Variants in GLIS3 observed in about 807,000 individuals in gnomAD.
The protein encoded by GLIS3 is zinc finger protein GLIS3.
Under a neutral mutation model 78.6 loss-of-function variants are expected in GLIS3, and 53 were observed. That is an observed-to-expected ratio of 0.67 (90% confidence interval 0.54 to 0.85). The LOEUF (loss-of-function observed/expected upper bound fraction) is 0.85, where lower values mean the gene tolerates loss of function less well. Ranked by LOEUF, GLIS3 falls within the 40% of genes least tolerant of loss-of-function variation. The pLI, the probability that GLIS3 is intolerant of heterozygous loss-of-function variation, is 0.00. For synonymous variants in GLIS3, 684 were observed against 509.9 expected, an observed-to-expected ratio of 1.34 and a Z score of -4.60; for missense variants, 1,703 against 1,231.1, an observed-to-expected ratio of 1.38 and a Z score of -5.74.
At chr9:4,213,626 A>G (rs1820560263) in intron 2 of GLIS3, among the ~76,000 whole-genome samples, 1 of 152,248 alleles carries the variant, frequency 6.6e-6, no homozygotes, top group African/African-American at 2.4e-5. Context: ...CATATTGAAC[A>G]GCACACTAGA....
chr9:4,367,126 G>C, the GLIS3 span, among the ~76,000 whole-genome samples: 1 of 152,242 alleles, frequency 6.6e-6, no homozygotes, highest in Middle Eastern at 3.4e-3. Flanking sequence ...CAAACTCAAA[G>C]CTCTCCAATG....
At chr9:4,354,494 G>C in the GLIS3 span, among the ~76,000 whole-genome samples, 1 of 152,060 alleles carries the variant, frequency 6.6e-6, no homozygotes, top group Non-Finnish European at 1.5e-5. Flanking sequence ...ACTTTCTATA[G>C]ACTATATTCC....
At chr9:4,027,614 A>T (rs1458857709) in intron 4 of GLIS3, among the ~76,000 whole-genome samples, 1 of 152,222 alleles carries the variant, frequency 6.6e-6, no homozygotes, top group Non-Finnish European at 1.5e-5. Context: ...TCTAGCTGCA[A>T]GAGTGTGAAT....
chr9:4,057,898 T>C (rs180959000), intron 4 of GLIS3, among the ~76,000 whole-genome samples: 2 of 152,254 alleles, frequency 1.3e-5, no homozygotes, highest in East Asian at 1.9e-4. Flanking sequence ...CCTTGATCTT[T>C]TTCACATGTA....
chr9:4,353,993 A>ATTT, the GLIS3 span, among the ~76,000 whole-genome samples: 103 of 135,748 alleles, frequency 7.6e-4, 1 homozygote, highest in Middle Eastern at 3.9e-3. Context: ...ACACCCGGCT[A>ATTT]TTTTTTTTTT....
intron 1 of GLIS3, among the ~76,000 whole-genome samples, chr9:4,293,628 G>C (rs375388728): frequency 1.3e-5 from 2 of 152,112 alleles, no homozygotes; most frequent in African/African-American, 2.4e-5. Flanking sequence ...ACAAAACTTC[G>C]TAACTAGCCC....
rs76108492 is a variant in GLIS3, at chr9:3,974,401, A to C, written c.1711-37212T>G. On this transcript the variant is annotated intron_variant, in intron 4 of 10. Coordinates refer to ENST00000381971, the MANE Select transcript of GLIS3 (RefSeq NM_001042413.2). ...TGATCAACAGAAGCTGCTGGATTAC[A>C]CCTTGTCCACAGATATAAAAAGGTA... 9.8e-5 allele frequency among the ~76,000 whole-genome samples: 15 copies of C among 152,290 alleles called. 1 individual carries two copies. The East Asian group carries it at 2.9e-3, about 29-fold the overall frequency.
chr9:3,868,634 G>A (rs560295510), intron 8 of GLIS3, among the ~76,000 whole-genome samples: 1 of 152,220 alleles, frequency 6.6e-6, no homozygotes, highest in African/African-American at 2.4e-5. Flanking sequence ...CTTTGTGGGT[G>A]GATAACAGAC....
the GLIS3 span, among the ~76,000 whole-genome samples, chr9:4,421,460 C>T: frequency 5.9e-5 from 9 of 152,230 alleles, no homozygotes; most frequent in African/African-American, 2.2e-4. Context: ...TGCACTGATC[C>T]ATCATACCTG....
At chr9:4,235,935 C>T (rs957763113) in intron 2 of GLIS3, among the ~76,000 whole-genome samples, 15 of 152,136 alleles carry the variant, frequency 9.9e-5, no homozygotes, top group Admixed American at 5.2e-4. Flanking sequence ...ACAGAAACAA[C>T]GATCACCTCT....
At chr9:4,135,180 A>G (rs1372335429) in intron 2 of GLIS3, among the ~76,000 whole-genome samples, 1 of 152,222 alleles carries the variant, frequency 6.6e-6, no homozygotes, top group Non-Finnish European at 1.5e-5. Context: ...GTCTACTTAG[A>G]TAGCATTATC....
At chr9:4,168,689 G>C (rs1341308988) in intron 2 of GLIS3, among the ~76,000 whole-genome samples, 10 of 152,156 alleles carry the variant, frequency 6.6e-5, no homozygotes, top group African/African-American at 2.4e-4. Context: ...GGTTTTATGA[G>C]TGTTGTAACT....
intron 2 of GLIS3, among the ~76,000 whole-genome samples, chr9:4,213,009 T>A (rs1396690606): frequency 2.0e-5 from 3 of 152,148 alleles, no homozygotes; most frequent in Admixed American, 2.0e-4. Flanking sequence ...TGTTGGAGAT[T>A]GTGACCTGGG....
the GLIS3 span, among the ~76,000 whole-genome samples, chr9:4,421,119 C>T: frequency 6.6e-5 from 10 of 152,202 alleles, no homozygotes; most frequent in Non-Finnish European, 1.3e-4. Context: ...TCAGTGACTG[C>T]TGACTTGTAA....
intron 5 of GLIS3, 42 bp from the exon 6 acceptor site, chr9:3,932,512 T>G: frequency 7.0e-7 from 1 of 1,422,958 alleles, no homozygotes; most frequent in South Asian, 1.1e-5. Flanking sequence ...GGTTAAATCA[T>G]AAAGGTAATT....
At chr9:3,866,214 A>G (rs984182687) in intron 8 of GLIS3, among the ~76,000 whole-genome samples, 1 of 152,256 alleles carries the variant, frequency 6.6e-6, no homozygotes, top group African/African-American at 2.4e-5. Context: ...TCAACCTGAC[A>G]TAGTCTCTGT....
intron 4 of GLIS3, among the ~76,000 whole-genome samples, chr9:4,079,040 A>C (rs989916482): frequency 1.3e-5 from 2 of 152,222 alleles, no homozygotes; most frequent in African/African-American, 4.8e-5. Context: ...TTCCAAGGTA[A>C]AACAGCTTAA....
Position 4,118,911 on chromosome 9 carries a change from A to C in GLIS3, c.597-30T>G. The C allele has an allele frequency of 6.3e-7, 1 of 1,595,774 alleles. No homozygotes were observed. Among genetic ancestry groups the C allele is most frequent in the Non-Finnish European group, 8.5e-7 (1 of 1,177,762 alleles). The stretch of plus-strand genomic sequence containing the variant: ...AACAGCAGCCAGAAAGGAAGAAAAA[A>C]AAAAGATAAACATTTTAGCAGGATA... On this transcript the variant is annotated intron_variant, in intron 3 of 10. Transcript: ENST00000381971. The surrounding 1 kb of genome is among the most constrained non-coding windows in gnomAD (Gnocchi z 4.7).
chr9:3,850,406 C>T (rs1200028100), intron 9 of GLIS3, among the ~76,000 whole-genome samples: 1 of 152,220 alleles, frequency 6.6e-6, no homozygotes, highest in African/African-American at 2.4e-5. Context: ...CGTTTTTGTT[C>T]TCTTCTCTTG....
Sources: allele counts gnomAD v4.1 joint callset (sites outside exome capture counted in the v4.1 genomes callset), GRCh38; gene constraint gnomAD v4.1.1; non-coding constraint Gnocchi (gnomAD v3.1); transcripts MANE v1.5; gene names NCBI Gene and HGNC (gene_info 2026-07-23, HGNC 2026-07-21).